The following JAM3 variants were observed in gnomAD, a reference collection of about 807,000 sequenced individuals.
JAM3 encodes the protein junctional adhesion molecule 3.
Under a neutral mutation model 39.4 loss-of-function variants are expected in JAM3, and 31 were observed. The observed-to-expected ratio is 0.79, with a 90% CI of 0.59 to 1.06. The LOEUF (loss-of-function observed/expected upper bound fraction) is 1.06. JAM3 is among the 50% of genes least tolerant of loss of function. The pLI, the probability that JAM3 is intolerant of heterozygous loss-of-function variation, is 0.00. For synonymous variants in JAM3, 182 were observed against 148.7 expected (o/e 1.22, Z -1.63); for missense variants, 455 against 391.4 (o/e 1.16, Z -1.37).
intron 1 of JAM3, among the ~76,000 whole-genome samples, chr11:134,095,625 GT>G (rs1263192094): frequency 5.1e-5 from 6 of 117,032 alleles, no homozygotes; most frequent in Non-Finnish European, 5.2e-5. Context: ...ATGAGACTCT[GT>G]CAAAAAAAAA....
At chr11:134,149,080 A>G in intron 8 of JAM3, 66 bp from the exon 9 acceptor site, 1 of 1,577,814 alleles carries the variant, frequency 6.3e-7, no homozygotes, top group African/African-American at 1.3e-5. Context: ...TGTTAGACTT[A>G]CTCCGTGTTT....
At position 134,144,833 on chromosome 11, in the gene JAM3, C is replaced by G. The variant is rs138314437; in HGVS notation, c.451C>G (p.Pro151Ala). The change falls in exon 5 of 9, where the codon CCA becomes GCA. Residue 151 changes from proline to alanine, a missense_variant. By Grantham distance (27) the Pro-to-Ala change is conservative. Transcript: ENST00000299106. ...TGTCTGTAGAGTGCCGAAGGCTGTA[C>G]CAGTAGGCAAGATGGCAACACTGCA... is the stretch of plus-strand genomic sequence containing the variant. ...TPVCRVPKAV[P>A]VGKMATLHCQ... The G allele has an allele frequency of 1.9e-6, 3 of 1,614,192 alleles. No individual in the cohort carries two copies. Among genetic ancestry groups the G allele is most frequent in the African/African-American group, 1.3e-5 (1 of 75,044 alleles).
intron 1 of JAM3, among the ~76,000 whole-genome samples, chr11:134,138,847 A>C (rs1378832277): frequency 6.6e-6 from 1 of 152,232 alleles, no homozygotes; most frequent in African/African-American, 2.4e-5. Flanking sequence ...ATTTAGAAAG[A>C]AAAGATCCAT....
chr11:134,081,694 C>T (rs980095863), intron 1 of JAM3, among the ~76,000 whole-genome samples: 1 of 152,186 alleles, frequency 6.6e-6, no homozygotes, highest in Admixed American at 6.5e-5. Context: ...TAGGGCAGTG[C>T]AGAAGGGAAA....
chr11:134,080,512 A>C (rs1353375228), intron 1 of JAM3, among the ~76,000 whole-genome samples: 1 of 152,128 alleles, frequency 6.6e-6, no homozygotes, highest in Non-Finnish European at 1.5e-5. Flanking sequence ...GATCGTTAGT[A>C]AGTCTCTTGA....
chr11:134,070,866 A>G (rs1489543437), intron 1 of JAM3, among the ~76,000 whole-genome samples: 1 of 152,166 alleles, frequency 6.6e-6, no homozygotes, highest in African/African-American at 2.4e-5. Flanking sequence ...TTTTGCTGGT[A>G]GGGGCTGGGA....
chr11:134,149,761 C>G lies in JAM3; in HGVS notation c.*580C>G, dbSNP rs1943159518. On this transcript the variant is annotated 3_prime_UTR_variant, in exon 9 of 9. Transcript: ENST00000299106. ...TGGATCAGCATTTTGTAAAAACAAC[C>G]AAAATCAGGAAGGTAAATTGGTTGC... 1 of 435,906 alleles carries G rather than the reference C, an allele frequency of 2.3e-6. No individual in the cohort carries two copies. Among genetic ancestry groups the G allele is most frequent in the Non-Finnish European group, 4.7e-6 (1 of 214,194 alleles). 27.0% of individuals were successfully genotyped at this position (435,906 alleles called of 1,614,324 possible).
rs1310509594 is a variant in JAM3 at position 134,147,845 on chromosome 11, G to C, written c.713-702G>C. 2.0e-5 allele frequency: 3 copies of C among 153,482 alleles called. No homozygotes were observed. The East Asian group carries it at 5.8e-4, about 30-fold the overall frequency. The allele number at this position is 153,482 out of a possible 1,614,324, so 9.5% of individuals were successfully genotyped here. A position where few individuals can be genotyped will look rare whatever the true frequency, so the allele number is the denominator to read the frequency against. On this transcript the variant is annotated intron_variant, in intron 6 of 8. Coordinates refer to ENST00000299106, the MANE Select transcript of JAM3 (RefSeq NM_032801.5). ...AGAACCAATACACTAGGATAAAGGA[G>C]ATTTTTTTAAAACTTCCAAGTTACT...
intron 1 of JAM3, among the ~76,000 whole-genome samples, chr11:134,128,643 C>G (rs1249424375): frequency 6.6e-6 from 1 of 151,842 alleles, no homozygotes; most frequent in Non-Finnish European, 1.5e-5. Context: ...TGCATGTGTG[C>G]TCTGTCTCTC....
intron 1 of JAM3, among the ~76,000 whole-genome samples, chr11:134,127,543 A>T (rs1188227069): frequency 6.6e-6 from 1 of 152,136 alleles, no homozygotes; most frequent in Non-Finnish European, 1.5e-5. Flanking sequence ...TATTAAAAAT[A>T]CAAAAAATTA....
chr11:134,069,265 C>A, intron 1 of JAM3, 106 bp downstream of exon 1: 2 of 1,436,920 alleles, frequency 1.4e-6, no homozygotes, highest in Non-Finnish European at 1.9e-6. Context: ...GCGGTCCTGG[C>A]TCCGAGGGCT....
At chr11:134,107,039 G>T (rs186614597) in intron 1 of JAM3, among the ~76,000 whole-genome samples, 1,552 of 152,182 alleles carry the variant, frequency 0.01, 22 homozygotes, top group African/African-American at 0.035. Context: ...ACACGTATGT[G>T]TATTGTGGCA....
intron 1 of JAM3, among the ~76,000 whole-genome samples, chr11:134,113,303 A>G (rs1942354542): frequency 6.6e-6 from 1 of 151,440 alleles, no homozygotes; most frequent in Non-Finnish European, 1.5e-5. Context: ...TTAACTCGTC[A>G]TTTACATTAG....
intron 1 of JAM3, chr11:134,123,868 A>C: frequency 1.2e-6 from 1 of 850,050 alleles, no homozygotes; most frequent in East Asian, 2.4e-5. Context: ...AAGCGTAATC[A>C]CATCTTAGGT....
intron 1 of JAM3, among the ~76,000 whole-genome samples, chr11:134,100,676 G>A (rs544248299): frequency 6.6e-6 from 1 of 152,252 alleles, no homozygotes; most frequent in African/African-American, 2.4e-5. Context: ...GTCAGGTCCT[G>A]TACTCAGCAC....
intron 1 of JAM3, among the ~76,000 whole-genome samples, chr11:134,097,392 T>TG (rs1401576628): frequency 6.6e-6 from 1 of 152,220 alleles, no homozygotes; most frequent in East Asian, 1.9e-4. Flanking sequence ...CTACAGCACT[T>TG]GCTCAGGAAC....
intron 2 of JAM3, among the ~76,000 whole-genome samples, chr11:134,140,297 C>T (rs138590383): frequency 3.9e-5 from 6 of 152,176 alleles, no homozygotes; most frequent in African/African-American, 7.2e-5. Context: ...GATTTTTGTA[C>T]GGGGTTTTGC....
Position 134,149,211 on chromosome 11 carries a change from G to C in JAM3, c.*30G>C. 6.2e-7 allele frequency: 1 copy of C among 1,613,888 alleles called. No individual in the cohort carries two copies. Among genetic ancestry groups the C allele is most frequent in the South Asian group, 1.1e-5 (1 of 91,064 alleles). On this transcript the variant is annotated 3_prime_UTR_variant, in exon 9 of 9. Transcript: ENST00000299106. ...CGCGGTGTGGCTGAGAGCGCACAGA[G>C]CGCACGTGCACATACCTCTGCTAGA...
chr11:134,076,219 A>G (rs1941567827), intron 1 of JAM3, among the ~76,000 whole-genome samples: 1 of 142,708 alleles, frequency 7.0e-6, no homozygotes, highest in Non-Finnish European at 1.5e-5. Context: ...CAATGGTGCA[A>G]TCTCGGCTCA....
Sources: allele counts gnomAD v4.1 joint callset (sites outside exome capture counted in the v4.1 genomes callset), GRCh38; gene constraint gnomAD v4.1.1; transcripts MANE v1.5; gene names NCBI Gene and HGNC (gene_info 2026-07-23, HGNC 2026-07-21).